Variants in XPNPEP3 observed in about 807,000 individuals in gnomAD.
XPNPEP3 encodes the protein X-prolyl aminopeptidase 3.
In XPNPEP3, 41 loss-of-function variants were observed where a neutral mutation model predicts 60.0. The observed-to-expected ratio is 0.68, with a 90% CI of 0.53 to 0.89. The LOEUF is 0.89. Ranked by LOEUF, XPNPEP3 falls within the 40% of genes least tolerant of loss-of-function variation. The pLI is 0.00. For synonymous variants in XPNPEP3, 212 were observed against 223.2 expected, an observed-to-expected ratio of 0.95 and a Z score of 0.45; for missense variants, 598 against 638.9, an observed-to-expected ratio of 0.94 and a Z score of 0.69.
At chr22:40,880,073 C>T (rs185986296) in intron 2 of XPNPEP3, among the ~76,000 whole-genome samples, 293 of 148,106 alleles carry the variant, frequency 2.0e-3, no homozygotes, top group Middle Eastern at 3.6e-3. Context: ...TAATCATATA[C>T]TGAACATGAG....
intron 2 of XPNPEP3, among the ~76,000 whole-genome samples, chr22:40,881,087 G>A (rs573857088): frequency 6.2e-4 from 94 of 151,876 alleles, no homozygotes; most frequent in African/African-American, 2.1e-3. Context: ...GCTTTGTCGC[G>A]TAGACTGGAG....
chr22:40,897,456 A>G (rs1157290778), intron 4 of XPNPEP3, among the ~76,000 whole-genome samples: 1 of 151,394 alleles, frequency 6.6e-6, no homozygotes, highest in Non-Finnish European at 1.5e-5. Flanking sequence ...TCTTTGGGGT[A>G]TATACCCAGA....
intron 2 of XPNPEP3, among the ~76,000 whole-genome samples, chr22:40,875,413 T>C (rs1228810859): frequency 6.6e-6 from 1 of 152,174 alleles, no homozygotes; most frequent in Non-Finnish European, 1.5e-5. Context: ...AATCACTGTA[T>C]TCATAGTGAT....
At chr22:40,925,699 A>G (rs149850404) in intron 9 of XPNPEP3, among the ~76,000 whole-genome samples, 49 of 152,330 alleles carry the variant, frequency 3.2e-4, no homozygotes, top group Admixed American at 4.6e-4. Context: ...CCAAATGTAC[A>G]TTAAAGTCTT....
In XPNPEP3 at chr22:40,926,318, T is replaced by A; in HGVS notation, c.1407T>A (p.Gly469=). 6.2e-7 allele frequency: 1 copy of A among 1,614,018 alleles called. No individual in the cohort carries two copies. The highest frequency in any genetic ancestry group is 1.1e-5 in the South Asian group (1 of 91,078). ...AAGATGCCCCAGAGAAGTTTCGGGGTCTTGGTGTACGAATTGAGGATGATG... is the reference window on the plus strand; with the variant it reads ...AAGATGCCCCAGAGAAGTTTCGGGGACTTGGTGTACGAATTGAGGATGATG... The part of the protein sequence containing the change: ...DDKDAPEKFR[G]LGVRIEDDVV... Residue 469 remains glycine, a synonymous_variant, in exon 10 of 10, where the codon GGT becomes GGA. Transcript: ENST00000357137.
intron 6 of XPNPEP3, among the ~76,000 whole-genome samples, chr22:40,910,678 C>T (rs193268666): frequency 9.9e-5 from 15 of 151,870 alleles, no homozygotes; most frequent in Non-Finnish European, 1.5e-4. Context: ...TGCATTGCAG[C>T]CTGGGCAACA....
Position 40,877,356 on chromosome 22 carries a change from C to T in XPNPEP3, c.182-4414C>T, listed in dbSNP as rs139821372. Among the ~76,000 whole-genome samples, 49 of 152,212 alleles carry T rather than the reference C, an allele frequency of 3.2e-4. No individual in the cohort carries two copies. In the East Asian group the frequency reaches 9.1e-3, roughly 28 times the overall value. Reference sequence around the variant, plus strand: ...AAGCAGACTTCTTTTCAAAATCAGACCATGTTAAAATTCTAATCTAGTTAG... The same window carrying T: ...AAGCAGACTTCTTTTCAAAATCAGATCATGTTAAAATTCTAATCTAGTTAG... On this transcript the variant is annotated intron_variant, in intron 2 of 9. Transcript: ENST00000357137.
intron 1 of XPNPEP3, chr22:40,862,596 T>C (rs1246751603): frequency 6.1e-6 from 6 of 985,358 alleles, no homozygotes; most frequent in African/African-American, 1.7e-5. Flanking sequence ...TAAACAATTA[T>C]ATGAGAGACA....
chr22:40,915,933 T>G (rs2146275906), intron 7 of XPNPEP3, among the ~76,000 whole-genome samples: 1 of 152,284 alleles, frequency 6.6e-6, no homozygotes, highest in South Asian at 2.1e-4. Flanking sequence ...GCTATCCAAG[T>G]TAACAAAATT....
At chr22:40,863,787 CAG>C (rs1332480138) in intron 1 of XPNPEP3, among the ~76,000 whole-genome samples, 2 of 152,312 alleles carry the variant, frequency 1.3e-5, no homozygotes, top group South Asian at 2.1e-4. Flanking sequence ...CATAAGAAAA[CAG>C]ACGTTCTGAG....
intron 4 of XPNPEP3, among the ~76,000 whole-genome samples, chr22:40,904,811 C>T (rs1056271347): frequency 1.3e-5 from 2 of 152,148 alleles, no homozygotes; most frequent in African/African-American, 4.8e-5. Flanking sequence ...GGTACCCAGG[C>T]TGGAGTGCAG....
chr22:40,926,306 G>A lies in XPNPEP3; in HGVS notation c.1395G>A (p.Glu465=). ...CAGAGGATGACAAAGATGCCCCAGA[G>A]AAGTTTCGGGGTCTTGGTGTACGAA... ...YIPEDDKDAP[E]KFRGLGVRIE... is the part of the protein sequence containing the mutation. Residue 465 remains glutamate, a synonymous_variant, in exon 10 of 10, where the codon GAG becomes GAA. Coordinates refer to ENST00000357137, the MANE Select transcript of XPNPEP3 (RefSeq NM_022098.4). The A allele has an allele frequency of 6.2e-7, 1 of 1,614,166 alleles. No homozygotes were observed. Among genetic ancestry groups the A allele is most frequent in the Non-Finnish European group, 8.5e-7 (1 of 1,180,022 alleles).
intron 2 of XPNPEP3, among the ~76,000 whole-genome samples, chr22:40,879,995 C>A (rs1255811318): frequency 6.7e-6 from 1 of 148,752 alleles, no homozygotes; most frequent in South Asian, 2.2e-4. Context: ...CCACTGCTCT[C>A]CAGCCTGGGT....
chr22:40,888,336 TG>T lies in XPNPEP3; in HGVS notation c.792+1824del, dbSNP rs2058076827. ...ACAGCTCACTGCAGTCTCGACCTCC[TG>T]GGTTCAAGTGATCCTCCCACCTTAG... On this transcript the variant is annotated intron_variant, in intron 4 of 9. Coordinates refer to ENST00000357137, the MANE Select transcript of XPNPEP3 (RefSeq NM_022098.4). The T allele has an allele frequency of 8.2e-6, 3 of 367,666 alleles. No homozygotes were observed. The Admixed American group carries it at 8.6e-5, about 11-fold the overall frequency. The allele number at this position is 367,666 out of a possible 1,614,324, so 22.8% of individuals were successfully genotyped here.
intron 8 of XPNPEP3, 40 bp from the exon 9 acceptor site, chr22:40,924,320 AGG>A (rs1262807330): frequency 6.2e-7 from 1 of 1,613,400 alleles, no homozygotes; most frequent in Admixed American, 1.7e-5. Context: ...TCCCTGTAAG[AGG>A]TCATTGCTCT....
rs79385822 is a variant in XPNPEP3 at position 40,924,369 on chromosome 22, G to C, written c.1244G>C (p.Arg415Pro). 6.2e-7 allele frequency: 1 copy of C among 1,613,926 alleles called. No individual in the cohort carries two copies. The highest frequency in any genetic ancestry group is 1.3e-5 in the African/African-American group (1 of 74,872). ...IKENNAFKAARKYCPHHVGHY... is the reference protein window; with the variant it reads ...IKENNAFKAAPKYCPHHVGHY... ...GACAATTATCTTTTCCAGGCTGCTC[G>C]AAAATACTGTCCTCATCATGTTGGC... Residue 415 changes from arginine (R) to proline (P), a missense_variant, in exon 9 of 10, where the codon CGA becomes CCA. Physicochemically the swap from Arg to Pro is moderately radical, Grantham distance 103 (BLOSUM62 -2). Transcript: ENST00000357137.
At chr22:40,906,141 A>G (rs185586369) in intron 4 of XPNPEP3, among the ~76,000 whole-genome samples, 8 of 152,022 alleles carry the variant, frequency 5.3e-5, no homozygotes, top group East Asian at 1.9e-4. Flanking sequence ...GTGTCTCACT[A>G]TGTTGCCCAG....
chr22:40,901,552 C>T (rs913866596), intron 4 of XPNPEP3, among the ~76,000 whole-genome samples: 1 of 152,048 alleles, frequency 6.6e-6, no homozygotes, highest in Admixed American at 6.6e-5. Flanking sequence ...AGAACTCTTA[C>T]AGTTCAACAA....
chr22:40,909,875 T>C (rs1487467458), intron 6 of XPNPEP3, among the ~76,000 whole-genome samples: 15 of 152,022 alleles, frequency 9.9e-5, no homozygotes, highest in Non-Finnish European at 5.9e-5. Flanking sequence ...AAGCCTCTGC[T>C]CATTTCATTA....
Sources: gnomAD v4.1 joint callset for allele counts (sites outside exome capture counted in the v4.1 genomes callset) on GRCh38, gnomAD v4.1.1 for gene constraint, MANE v1.5 for transcripts, NCBI Gene and HGNC (gene_info 2026-07-23, HGNC 2026-07-21) for gene names.